The following SYTL5 variants were observed in gnomAD, a reference collection of about 807,000 sequenced individuals.
SYTL5 encodes the protein synaptotagmin-like protein 5.
SYTL5 carries 34 observed loss-of-function variants against 55.9 expected under a neutral mutation model. That is an observed-to-expected ratio of 0.61 (90% CI 0.46 to 0.81). The LOEUF (loss-of-function observed/expected upper bound fraction) is 0.81, where lower values mean the gene tolerates loss of function less well. Ranked by LOEUF, SYTL5 falls within the 30% of genes least tolerant of loss-of-function variation. The pLI is 0.00. For missense variants in SYTL5, 637 were observed against 546.7 expected, an observed-to-expected ratio of 1.17 and a Z score of -1.65; for synonymous variants, 221 against 188.7, an observed-to-expected ratio of 1.17 and a Z score of -1.40.
the SYTL5 span, among the ~76,000 whole-genome samples, chrX:37,906,961 T>C: frequency 0.012 from 1,392 of 111,829 alleles, 19 homozygotes; most frequent in African/African-American, 0.042. Flanking sequence ...TTGGTGGTGG[T>C]GGCGGGGAGA....
intron 3 of SYTL5, among the ~76,000 whole-genome samples, chrX:38,064,058 C>CAT (rs58565070): frequency 5.2e-5 from 5 of 96,207 alleles, no homozygotes; most frequent in East Asian, 3.0e-4. Context: ...TATAGATATA[C>CAT]ATATATATAT....
chrX:37,998,400 G>A, the SYTL5 span, among the ~76,000 whole-genome samples: 3 of 112,065 alleles, frequency 2.7e-5, no homozygotes. Context: ...GTGGTTCACT[G>A]GCATCTCCAA....
chrX:37,995,518 G>A, the SYTL5 span, among the ~76,000 whole-genome samples: 13 of 112,198 alleles, frequency 1.2e-4, no homozygotes, highest in Admixed American at 1.9e-4. Context: ...CTTATGGAGA[G>A]CTATAGAGCA....
the SYTL5 span, among the ~76,000 whole-genome samples, chrX:37,914,187 C>T: frequency 1.1e-4 from 12 of 111,248 alleles, no homozygotes; most frequent in East Asian, 2.5e-3. Context: ...TGAAGTTGAA[C>T]ATTTTGCATA....
chrX:38,072,269 T>C lies in SYTL5; in HGVS notation c.445+107T>C, dbSNP rs191226289. On this transcript the variant is annotated intron_variant, in intron 4 of 16. Coordinates refer to ENST00000297875, the MANE Select transcript of SYTL5 (RefSeq NM_138780.3). Reference sequence around the variant, plus strand: ...AATCAGCATAAATGAGTTTCTTGAATCCCTTAGGGCATTTCACAACTTGGT... The same window carrying C: ...AATCAGCATAAATGAGTTTCTTGAACCCCTTAGGGCATTTCACAACTTGGT... The C allele has an allele frequency of 2.8e-5, 15 of 543,597 alleles. No homozygotes were observed. In the African/African-American group the frequency reaches 3.3e-4, roughly 12 times the overall value. 44.8% of individuals were successfully genotyped at this position (543,597 alleles called of 1,213,427 possible).
At chrX:38,005,669 A>G (rs189839200), upstream of SYTL5, among the ~76,000 whole-genome samples, 2 of 111,420 alleles carry the variant, frequency 1.8e-5, no homozygotes, top group Admixed American at 1.9e-4. Flanking sequence ...TAATCATCCA[A>G]TCTGAAAAAA....
the SYTL5 span, among the ~76,000 whole-genome samples, chrX:37,998,223 A>T: frequency 1.8e-5 from 2 of 112,560 alleles, no homozygotes; most frequent in African/African-American, 6.4e-5. Flanking sequence ...AGAACTCAGG[A>T]CCCGTCAAAT....
the SYTL5 span, among the ~76,000 whole-genome samples, chrX:37,927,670 C>T: frequency 2.7e-5 from 3 of 110,724 alleles, no homozygotes; most frequent in Non-Finnish European, 3.8e-5. Context: ...CCCAGCTACT[C>T]GGGAGGCTGG....
At chrX:38,012,372 A>C (rs1468394657) in intron 1 of SYTL5, among the ~76,000 whole-genome samples, 1 of 112,263 alleles carries the variant, frequency 8.9e-6, no homozygotes, top group Non-Finnish European at 1.9e-5. Context: ...ATATAATTTA[A>C]ACAACCATTT....
At chrX:37,980,234 G>A in the SYTL5 span, among the ~76,000 whole-genome samples, 1 of 112,140 alleles carries the variant, frequency 8.9e-6, no homozygotes, top group Non-Finnish European at 1.9e-5. Context: ...TATCATGGAA[G>A]TGTTTTCATG....
chrX:37,989,193 G>C, the SYTL5 span, among the ~76,000 whole-genome samples: 1 of 111,806 alleles, frequency 8.9e-6, no homozygotes, highest in South Asian at 3.7e-4. Context: ...GATATGGGGT[G>C]TGCTTCTCAG....
At chrX:38,030,304 G>C (rs1022323084) in intron 1 of SYTL5, among the ~76,000 whole-genome samples, 4 of 111,682 alleles carry the variant, frequency 3.6e-5, no homozygotes, top group African/African-American at 1.3e-4. Flanking sequence ...ATGCAAAACA[G>C]AATAGAACCT....
the SYTL5 span, among the ~76,000 whole-genome samples, chrX:37,993,237 G>GAAC: frequency 8.1e-5 from 9 of 111,375 alleles, no homozygotes; most frequent in Admixed American, 1.9e-4. Flanking sequence ...TAATGTCAAT[G>GAAC]AACAACAACA....
chrX:38,036,993 T>A (rs1935126795), intron 2 of SYTL5, among the ~76,000 whole-genome samples: 2 of 111,885 alleles, frequency 1.8e-5, no homozygotes, highest in Admixed American at 9.5e-5. Flanking sequence ...GTAGACACTA[T>A]CAGTGCTCTA....
the SYTL5 span, among the ~76,000 whole-genome samples, chrX:37,995,826 G>A: frequency 2.7e-5 from 3 of 112,243 alleles, no homozygotes; most frequent in Non-Finnish European, 5.6e-5. Flanking sequence ...AGCTGTTGAT[G>A]TTGCTTATGG....
intron 2 of SYTL5, among the ~76,000 whole-genome samples, chrX:38,040,459 C>T (rs773993297): frequency 1.9e-5 from 2 of 107,628 alleles, no homozygotes; most frequent in African/African-American, 6.8e-5. Context: ...AACCATCCCC[C>T]CCCCGACCCG....
intron 6 of SYTL5, among the ~76,000 whole-genome samples, chrX:38,078,756 C>A (rs1418617307): frequency 3.6e-5 from 4 of 111,981 alleles, no homozygotes; most frequent in African/African-American, 1.3e-4. Flanking sequence ...CATAAATAAC[C>A]AAAACTATAA....
At chrX:37,958,980 G>A in the SYTL5 span, among the ~76,000 whole-genome samples, 2 of 112,315 alleles carry the variant, frequency 1.8e-5, no homozygotes, top group African/African-American at 6.5e-5. Context: ...AAAGCCTTGG[G>A]CAGTTCCATC....
intron 7 of SYTL5, among the ~76,000 whole-genome samples, chrX:38,093,499 G>A (rs917754475): frequency 1.3e-4 from 14 of 111,445 alleles, no homozygotes; most frequent in African/African-American, 4.6e-4. Context: ...AGAAAGCTTC[G>A]GATGAGGCAG....
Sources: gnomAD v4.1 joint callset for allele counts (sites outside exome capture counted in the v4.1 genomes callset) on GRCh38, gnomAD v4.1.1 for gene constraint, MANE v1.5 for transcripts, NCBI Gene and HGNC (gene_info 2026-07-23, HGNC 2026-07-21) for gene names.